The following LRRTM4 variants were observed in gnomAD, a reference collection of about 807,000 sequenced individuals.
The protein encoded by LRRTM4 is leucine rich repeat transmembrane neuronal 4.
In LRRTM4, 25 loss-of-function variants were observed where a neutral mutation model predicts 47.6. The ratio of observed to expected loss-of-function variants is 0.53; its 90% CI spans 0.38 to 0.73. LRRTM4 has a LOEUF of 0.73. Ranked by LOEUF, LRRTM4 falls within the 30% of genes least tolerant of loss-of-function variation. The probability of loss-of-function intolerance (pLI) is 0.00; values close to 1 mark genes in which losing one functional copy is unlikely to be tolerated. For synonymous variants in LRRTM4, 311 were observed against 269.5 expected, an observed-to-expected ratio of 1.15 and a Z score of -1.51; for missense variants, 638 against 713.4, an observed-to-expected ratio of 0.89 and a Z score of 1.20.
At chr2:76,948,745 G>C (rs534364967) in intron 3 of LRRTM4, among the ~76,000 whole-genome samples, 50 of 151,874 alleles carry the variant, frequency 3.3e-4, no homozygotes, top group African/African-American at 1.1e-3. Flanking sequence ...TTTGCCACAA[G>C]TTATAAGGAC....
At chr2:76,944,609 G>T (rs1573350133) in intron 3 of LRRTM4, among the ~76,000 whole-genome samples, 1 of 152,164 alleles carries the variant, frequency 6.6e-6, no homozygotes, top group East Asian at 1.9e-4. Context: ...TTCATCTATA[G>T]AGAGAAATTA....
intron 3 of LRRTM4, among the ~76,000 whole-genome samples, chr2:77,076,454 G>T (rs1235942249): frequency 1.3e-5 from 2 of 152,162 alleles, no homozygotes; most frequent in African/African-American, 4.8e-5. Flanking sequence ...AATATAGTCA[G>T]AGAATGAAAC....
intron 3 of LRRTM4, among the ~76,000 whole-genome samples, chr2:77,456,085 A>T (rs1251695362): frequency 6.6e-6 from 1 of 152,134 alleles, no homozygotes; most frequent in African/African-American, 2.4e-5. Flanking sequence ...TCAAAATTCC[A>T]AAACTAATTT....
chr2:76,960,665 A>G (rs2103911454), intron 3 of LRRTM4, among the ~76,000 whole-genome samples: 1 of 151,690 alleles, frequency 6.6e-6, no homozygotes, highest in South Asian at 2.1e-4. Context: ...TTAAGATGGT[A>G]TAAAAATTAA....
intron 3 of LRRTM4, among the ~76,000 whole-genome samples, chr2:77,201,756 G>A (rs531524135): frequency 5.9e-5 from 9 of 152,014 alleles, no homozygotes; most frequent in Admixed American, 5.9e-4. Flanking sequence ...ATCACAGCTT[G>A]CTGGGATTTT....
chr2:76,974,603 C>T (rs1244503847), intron 3 of LRRTM4, among the ~76,000 whole-genome samples: 5 of 151,422 alleles, frequency 3.3e-5, no homozygotes, highest in Non-Finnish European at 7.4e-5. Flanking sequence ...AAGTATATAT[C>T]CACTTTCATC....
intron 3 of LRRTM4, among the ~76,000 whole-genome samples, chr2:77,216,317 G>A (rs1477448384): frequency 6.6e-6 from 1 of 152,108 alleles, no homozygotes; most frequent in Non-Finnish European, 1.5e-5. Flanking sequence ...ATAGTGATTC[G>A]AAGGCAAGTC....
At chr2:77,421,877 A>G (rs530525546) in intron 3 of LRRTM4, among the ~76,000 whole-genome samples, 3 of 152,354 alleles carry the variant, frequency 2.0e-5, no homozygotes, top group East Asian at 3.9e-4. Context: ...TTGGTCAACA[A>G]TGGACCACAT....
At chr2:77,465,738 A>G (rs1676957697) in intron 3 of LRRTM4, among the ~76,000 whole-genome samples, 1 of 152,198 alleles carries the variant, frequency 6.6e-6, no homozygotes, top group Admixed American at 6.6e-5. Flanking sequence ...TTTACCTATC[A>G]GTGGTCCCAG....
intron 3 of LRRTM4, among the ~76,000 whole-genome samples, chr2:77,408,229 G>A (rs1421029422): frequency 6.6e-6 from 1 of 152,080 alleles, no homozygotes; most frequent in African/African-American, 2.4e-5. Flanking sequence ...TTTTAAGTGT[G>A]TGGCCTCTGC....
At chr2:76,995,098 A>G (rs1446724) in intron 3 of LRRTM4, among the ~76,000 whole-genome samples, 76,464 of 151,730 alleles carry the variant, frequency 0.5, 19,979 homozygotes, top group African/African-American at 0.63. Context: ...GAACTTTTAA[A>G]TTTTGAAGTG....
At chr2:77,238,851 GA>G (rs554626832) in intron 3 of LRRTM4, among the ~76,000 whole-genome samples, 3 of 151,292 alleles carry the variant, frequency 2.0e-5, no homozygotes, top group Admixed American at 6.6e-5. Context: ...ACTATATTCA[GA>G]AAAAAAATCT....
intron 3 of LRRTM4, among the ~76,000 whole-genome samples, chr2:77,229,076 T>G (rs1432178522): frequency 6.6e-6 from 1 of 152,108 alleles, no homozygotes; most frequent in Admixed American, 6.6e-5. Context: ...TTGGCAGCAT[T>G]CATCATGCCC....
rs943665380 is a variant in LRRTM4, at chr2:77,426,318, A to G, written c.1551+92000T>C. Among the ~76,000 whole-genome samples the G allele has an allele frequency of 3.3e-5, 5 of 152,282 alleles. No homozygotes were observed. The East Asian group carries it at 7.7e-4, about 24-fold the overall frequency. On this transcript the variant is annotated intron_variant, in intron 3 of 3. Coordinates refer to ENST00000409884, the MANE Select transcript of LRRTM4 (RefSeq NM_001134745.3). ...TGTATCTACAATAGGAACCTAAATC[A>G]TCTACATACATGTACCCCCCAGCTT...
rs1392995628 is a variant in LRRTM4, at chr2:77,518,862, G to C, written c.1007C>G (p.Thr336Ser). The C allele has an allele frequency of 2.5e-6, 4 of 1,606,762 alleles. No homozygotes were observed. The African/African-American group carries it at 5.3e-5, about 21-fold the overall frequency. ...GTGCTTAGGTCCCGCACATATCATG[G>C]TGCTTTCCTTATTTCCTTTGAAATT... Reference protein sequence around the residue: ...LKNFKGNKESTMICAGPKHIQ... With the variant: ...LKNFKGNKESSMICAGPKHIQ... Residue 336 changes from threonine (T) to serine (S), a missense_variant, in exon 3 of 4, where the codon ACC becomes AGC. By Grantham distance (58) the Thr-to-Ser change is moderately conservative. Coordinates refer to ENST00000409884, the MANE Select transcript of LRRTM4 (RefSeq NM_001134745.3).
chr2:77,455,405 C>G (rs146908877), intron 3 of LRRTM4, among the ~76,000 whole-genome samples: 1 of 151,940 alleles, frequency 6.6e-6, no homozygotes, highest in African/African-American at 2.4e-5. Context: ...ATATTTGACC[C>G]CTTTTTGCCA....
intron 3 of LRRTM4, among the ~76,000 whole-genome samples, chr2:77,204,616 CA>C (rs1406334855): frequency 6.6e-6 from 1 of 152,130 alleles, no homozygotes; most frequent in East Asian, 1.9e-4. Context: ...TATCTTGAGT[CA>C]AGCATTCCAG....
intron 3 of LRRTM4, among the ~76,000 whole-genome samples, chr2:77,218,134 ACAGG>A (rs1674511147): frequency 6.6e-6 from 1 of 152,110 alleles, no homozygotes; most frequent in African/African-American, 2.4e-5. Context: ...AGCTGGGATT[ACAGG>A]CATGTGCCGC....
chr2:76,750,883 A>G (rs1300257735), intron 3 of LRRTM4, among the ~76,000 whole-genome samples: 1 of 152,316 alleles, frequency 6.6e-6, no homozygotes, highest in Non-Finnish European at 1.5e-5. Context: ...TTTAAGTCTT[A>G]GATTAAAGCA....
Sources: gnomAD v4.1 joint callset for allele counts (sites outside exome capture counted in the v4.1 genomes callset) on GRCh38, gnomAD v4.1.1 for gene constraint, MANE v1.5 for transcripts, NCBI Gene and HGNC (gene_info 2026-07-23, HGNC 2026-07-21) for gene names.